The following STK4 variants were observed in gnomAD, a reference collection of about 807,000 sequenced individuals.
The protein encoded by STK4 is serine/threonine kinase 4.
STK4 carries 30 observed loss-of-function variants against 64.9 expected under a neutral mutation model. That is an observed-to-expected ratio of 0.46 (90% confidence interval 0.35 to 0.63). The LOEUF (loss-of-function observed/expected upper bound fraction) is 0.63, where lower values mean the gene tolerates loss of function less well. Ranked by LOEUF, STK4 falls within the 20% of genes least tolerant of loss-of-function variation. The pLI, the probability that STK4 is intolerant of heterozygous loss-of-function variation, is 0.01. For synonymous variants in STK4, 177 were observed against 199.0 expected (o/e 0.89, Z 0.93); for missense variants, 466 against 598.5 (o/e 0.78, Z 2.31).
intron 10 of STK4, among the ~76,000 whole-genome samples, chr20:45,044,229 C>T (rs1353102671): frequency 1.3e-5 from 2 of 152,180 alleles, no homozygotes; most frequent in Non-Finnish European, 2.9e-5. Flanking sequence ...TACAGTAACA[C>T]ACTTCTACCA....
Position 45,058,053 on chromosome 20 carries a change from T to TCA in STK4, c.1306-16931_1306-16930dup, listed in dbSNP as rs3044396. Reference sequence around the variant, plus strand: ...AAACTTATATTTAGCAGTTTGAAGGTCACACACACACACACACACACACAC... The same window carrying TCA: ...AAACTTATATTTAGCAGTTTGAAGGTCACACACACACACACACACACACACAC... On this transcript the variant is annotated intron_variant, in intron 10 of 10. Transcript: ENST00000372806. Among the ~76,000 whole-genome samples the TCA allele has an allele frequency of 8.1e-3, 1,199 of 148,106 alleles. 10 individuals carry two copies. Among genetic ancestry groups the TCA allele is most frequent in the South Asian group, 0.03 (138 of 4,590 alleles).
chr20:45,052,197 G>A (rs77192813), intron 10 of STK4, among the ~76,000 whole-genome samples: 1 of 151,952 alleles, frequency 6.6e-6, no homozygotes, highest in Non-Finnish European at 1.5e-5. Flanking sequence ...TAACCTTCTA[G>A]TTGTAAAAAC....
At chr20:44,993,810 C>G (rs1428127854) in intron 5 of STK4, among the ~76,000 whole-genome samples, 1 of 152,130 alleles carries the variant, frequency 6.6e-6, no homozygotes, top group African/African-American at 2.4e-5. Flanking sequence ...GAGACCTTGT[C>G]TCTACTAAAA....
intron 2 of STK4, among the ~76,000 whole-genome samples, chr20:44,976,805 A>G (rs1298680543): frequency 5.9e-5 from 9 of 152,226 alleles, no homozygotes; most frequent in African/African-American, 9.7e-5. Context: ...TGGCTTGACA[A>G]TGGTTTGACA....
intron 1 of STK4, among the ~76,000 whole-genome samples, chr20:44,970,889 T>TTG (rs60332680): frequency 0.33 from 48,682 of 147,930 alleles, 8,068 homozygotes; most frequent in Middle Eastern, 0.42. Context: ...AGGTACACAT[T>TTG]TGTGTGTGTG....
chr20:44,989,639 T>G (rs1379395348), intron 5 of STK4, among the ~76,000 whole-genome samples: 6 of 152,192 alleles, frequency 3.9e-5, no homozygotes, highest in Admixed American at 3.9e-4. Flanking sequence ...GCTTCTGGTG[T>G]CACATCTAAG....
intron 9 of STK4, among the ~76,000 whole-genome samples, chr20:45,005,923 C>T (rs1568713736): frequency 6.6e-6 from 1 of 151,694 alleles, no homozygotes; most frequent in Non-Finnish European, 1.5e-5. Flanking sequence ...CTTATTTTCT[C>T]TTTGTACTTT....
At chr20:45,030,125 A>G (rs2068417846) in intron 10 of STK4, among the ~76,000 whole-genome samples, 3 of 141,056 alleles carry the variant, frequency 2.1e-5, no homozygotes, top group Non-Finnish European at 4.6e-5. Context: ...TTTTTTTGAG[A>G]TGGAGTCTCA....
chr20:45,001,287 T>C lies in STK4; in HGVS notation c.1081T>C (p.Leu361=). 6.2e-7 allele frequency: 1 copy of C among 1,614,156 alleles called. No individual in the cohort carries two copies. The highest frequency in any genetic ancestry group is 8.5e-7 in the Non-Finnish European group (1 of 1,180,004). ...ANTMIEHDDT[L]PSQLGTMVIN... ...TACTATGATTGAGCACGATGACACG[T>C]TGCCATCACAACTGGGCACCATGGT... The change falls in exon 9 of 11, where the codon TTG becomes CTG. Residue 361 remains leucine, a synonymous_variant. Coordinates refer to ENST00000372806, the MANE Select transcript of STK4 (RefSeq NM_006282.5).
chr20:45,048,629 C>T (rs1197537718), intron 10 of STK4, among the ~76,000 whole-genome samples: 6 of 152,058 alleles, frequency 3.9e-5, no homozygotes, highest in Non-Finnish European at 5.9e-5. Context: ...CCTCAGCCTC[C>T]CGCCACCATG....
chr20:44,972,431 A>C (rs1445949163), intron 2 of STK4: 2 of 262,902 alleles, frequency 7.6e-6, no homozygotes, highest in Non-Finnish European at 1.4e-5. Flanking sequence ...TTAGATTAAA[A>C]TTCTATAAGA....
chr20:44,977,988 G>A (rs527918956), intron 2 of STK4, among the ~76,000 whole-genome samples: 2 of 152,216 alleles, frequency 1.3e-5, no homozygotes, highest in South Asian at 2.1e-4. Flanking sequence ...AGACACACCC[G>A]GGTTCAAATC....
intron 9 of STK4, among the ~76,000 whole-genome samples, chr20:45,011,730 T>TATATATATATATATATATATATATATA (rs1555813605): frequency 7.5e-4 from 63 of 83,492 alleles, no homozygotes; most frequent in Non-Finnish European, 9.0e-4. Context: ...TATATATATA[T>TATATATATATATATATATATATATATA]TTTTTTTTTT....
rs761550159 is a variant in STK4, at chr20:44,997,172, A to G, written c.697A>G (p.Ile233Val). ...TTTGTTTGTTTGTTCTAACCAGGCA[A>G]TCTTCATGATTCCTACAAATCCTCC... ...PYADIHPMRA[I>V]FMIPTNPPPT... is the part of the protein sequence containing the mutation. Residue 233 changes from isoleucine (I) to valine (V), a missense_variant, in exon 7 of 11, where the codon ATC (isoleucine) becomes GTC (valine). Around this residue, in one of 2 missense-constraint regions of STK4, gnomAD observed 190 missense variants for 289.7 expected, o/e 0.66. Coordinates refer to ENST00000372806, the MANE Select transcript of STK4 (RefSeq NM_006282.5). The G allele has an allele frequency of 3.1e-6, 5 of 1,613,736 alleles. No individual in the cohort carries two copies. Among genetic ancestry groups the G allele is most frequent in the South Asian group, 1.1e-5 (1 of 91,064 alleles).
intron 9 of STK4, among the ~76,000 whole-genome samples, chr20:45,018,185 A>AT (rs1289354483): frequency 6.6e-6 from 1 of 152,180 alleles, no homozygotes; most frequent in Admixed American, 6.5e-5. Flanking sequence ...AGAGGAAAAC[A>AT]TTTGCAGGAT....
At chr20:45,071,979 G>A (rs1400971043) in intron 10 of STK4, among the ~76,000 whole-genome samples, 1 of 152,064 alleles carries the variant, frequency 6.6e-6, no homozygotes, top group Non-Finnish European at 1.5e-5. Context: ...GCCCAGGCTG[G>A]TCTGGAGTTC....
intron 5 of STK4, among the ~76,000 whole-genome samples, chr20:44,988,922 A>G (rs1011678552): frequency 2.6e-5 from 4 of 152,114 alleles, no homozygotes; most frequent in African/African-American, 9.7e-5. Context: ...TTTGTTTAAC[A>G]TAATGTTTTT....
chr20:45,061,872 CTTTTTTTTTTT>C (rs71197598), intron 10 of STK4, among the ~76,000 whole-genome samples: 4 of 115,114 alleles, frequency 3.5e-5, no homozygotes, highest in East Asian at 2.4e-4. Flanking sequence ...TCTTCTTCTT[CTTTTTTTTTTT>C]TTTTTTTTTT....
At chr20:45,038,594 G>A (rs2068564152) in intron 10 of STK4, among the ~76,000 whole-genome samples, 3 of 151,812 alleles carry the variant, frequency 2.0e-5, no homozygotes, top group Admixed American at 2.0e-4. Flanking sequence ...ACCTTCATTC[G>A]GGATATTGCT....
Sources: allele counts gnomAD v4.1 joint callset (sites outside exome capture counted in the v4.1 genomes callset), GRCh38; gene constraint gnomAD v4.1.1; regional missense constraint gnomAD v4.1.1; transcripts MANE v1.5; gene names NCBI Gene and HGNC (gene_info 2026-07-23, HGNC 2026-07-21).